POLR2H: variants seen among roughly 807,000 people sequenced by gnomAD.
POLR2H encodes DNA-directed RNA polymerases I, II, and III subunit RPABC3.
Under a neutral mutation model 18.1 loss-of-function variants are expected in POLR2H, and 3 were observed. That is an observed-to-expected ratio of 0.17 (90% CI 0.08 to 0.43). POLR2H has a LOEUF of 0.43. Among genes scored for constraint, POLR2H ranks in the 20% least tolerant of loss-of-function variants. POLR2H has a pLI of 0.99. For synonymous variants in POLR2H, 76 were observed against 69.0 expected (o/e 1.10, Z -0.50); for missense variants, 103 against 184.6 (o/e 0.56, Z 2.56).
Position 184,362,139 on chromosome 3 carries a change from T to C in POLR2H, c.-628T>C. 1 of 151,934 alleles carries C rather than the reference T, an allele frequency of 6.6e-6. No homozygotes were observed. Among genetic ancestry groups the C allele is most frequent in the South Asian group, 2.1e-4 (1 of 4,798 alleles). The allele number at this position is 151,934 out of a possible 1,614,324, so 9.4% of individuals were successfully genotyped here. Reference sequence around the variant, plus strand: ...TCCTCATCCTTCCTTTTCTCGGGGCTCCCGTGGGTAGGTGCACTTGGAGCA... The same window carrying C: ...TCCTCATCCTTCCTTTTCTCGGGGCCCCCGTGGGTAGGTGCACTTGGAGCA... On this transcript the variant is annotated 5_prime_UTR_variant, in exon 1 of 6. Coordinates refer to ENST00000456318, the MANE Select transcript of POLR2H (RefSeq NM_006232.5). This position sits in a 1 kb window ranked among gnomAD's most constrained non-coding sequence, Gnocchi z 5.9.
chr3:184,366,601 G>A, intron 4 of POLR2H, 116 bp from the exon 5 acceptor site: 1 of 620,290 alleles, frequency 1.6e-6, no homozygotes, highest in South Asian at 1.7e-5. Context: ...GCCTCCCAAA[G>A]TGCTGGGGTT....
rs563508661 is a variant in POLR2H, at chr3:184,363,821, A to G, written c.73+256A>G. 5.3e-5 allele frequency among the ~76,000 whole-genome samples: 8 copies of G among 152,272 alleles called. No homozygotes were observed. The East Asian group carries it at 5.8e-4, about 11-fold the overall frequency. ...ACTCCTAGGCATATTTATAATCGCT[A>G]CCTGCTCTGTGCTAGACACTGTCTT... On this transcript the variant is annotated intron_variant, in intron 2 of 5. Coordinates refer to ENST00000456318, the MANE Select transcript of POLR2H (RefSeq NM_006232.5).
chr3:184,366,845 C>A, intron 5 of POLR2H, 45 bp downstream of exon 5: 1 of 1,174,516 alleles, frequency 8.5e-7, no homozygotes, highest in Non-Finnish European at 1.3e-6. Flanking sequence ...CTTCCATGTT[C>A]TGAGACTTTG....
chr3:184,363,940 A>G (rs1712778269), intron 2 of POLR2H, among the ~76,000 whole-genome samples: 1 of 152,252 alleles, frequency 6.6e-6, no homozygotes, highest in Non-Finnish European at 1.5e-5. Flanking sequence ...AATCCCAGCT[A>G]CTTGGGAGGC....
In POLR2H at chr3:184,363,458, C is replaced by G. The variant is rs1305824062; in HGVS notation, c.-35C>G. 1.3e-6 allele frequency: 2 copies of G among 1,581,110 alleles called. No individual in the cohort carries two copies. Among genetic ancestry groups the G allele is most frequent in the Non-Finnish European group, 1.7e-6 (2 of 1,150,472 alleles). ...ACGTACTCCCAACTGTGGTCGCGCT[C>G]TCACCCCTTCTGCTGCTCTCGTGGC... On this transcript the variant is annotated 5_prime_UTR_variant, in exon 2 of 6. Coordinates refer to ENST00000456318, the MANE Select transcript of POLR2H (RefSeq NM_006232.5).
At chr3:184,368,104 C>G (rs955503202) in intron 5 of POLR2H, 73 bp from the exon 6 acceptor site, 3 of 1,611,962 alleles carry the variant, frequency 1.9e-6, no homozygotes, top group African/African-American at 1.3e-5. Flanking sequence ...TGCCTCTTCT[C>G]TTTCTTAGGC....
At chr3:184,364,759 T>C (rs1166761749) in intron 2 of POLR2H, 2 of 575,610 alleles carry the variant, frequency 3.5e-6, no homozygotes, top group East Asian at 5.7e-5. Context: ...TTTGGTTGTT[T>C]TCTGGGGATT....
rs935574473 is a variant in POLR2H at position 184,361,803 on chromosome 3, C to T, written c.-964C>T. On this transcript the variant is annotated 5_prime_UTR_variant, in exon 1 of 6. Transcript: ENST00000456318. This position sits in a 1 kb window ranked among gnomAD's most constrained non-coding sequence, Gnocchi z 6.6. Reference sequence around the variant, plus strand: ...GGGAAGGCGCAAGCCCGCGCCGGCTCCCTGCGGATGCCCGGGTCGGAGAGG... The same window carrying T: ...GGGAAGGCGCAAGCCCGCGCCGGCTTCCTGCGGATGCCCGGGTCGGAGAGG... 1.3e-5 allele frequency: 2 copies of T among 158,626 alleles called. No homozygotes were observed. Among genetic ancestry groups the T allele is most frequent in the Non-Finnish European group, 2.8e-5 (2 of 72,404 alleles). 9.8% of individuals were successfully genotyped at this position (158,626 alleles called of 1,614,324 possible).
rs1712650966 is a variant in POLR2H, at chr3:184,363,470, G to T, written c.-23G>T. ...CTGTGGTCGCGCTCTCACCCCTTCT[G>T]CTGCTCTCGTGGCCCCCTCGCGATG... On this transcript the variant is annotated 5_prime_UTR_variant, in exon 2 of 6. Coordinates refer to ENST00000456318, the MANE Select transcript of POLR2H (RefSeq NM_006232.5). 1.2e-6 allele frequency: 2 copies of T among 1,607,824 alleles called. No homozygotes were observed. Among genetic ancestry groups the T allele is most frequent in the African/African-American group, 2.7e-5 (2 of 74,938 alleles).
chr3:184,363,333 C>T lies in POLR2H; in HGVS notation c.-160C>T, dbSNP rs1712596032. Reference sequence around the variant, plus strand: ...CGGGAGGCTGTGGCGGAAGTGGTCGCGTTACCGCTTGTTTGTGCGCATGCG... The same window carrying T: ...CGGGAGGCTGTGGCGGAAGTGGTCGTGTTACCGCTTGTTTGTGCGCATGCG... On this transcript the variant is annotated 5_prime_UTR_variant, in exon 2 of 6. Coordinates refer to ENST00000456318, the MANE Select transcript of POLR2H (RefSeq NM_006232.5). 1 of 672,560 alleles carries T rather than the reference C, an allele frequency of 1.5e-6. No individual in the cohort carries two copies. The highest frequency in any genetic ancestry group is 2.7e-6 in the Non-Finnish European group (1 of 369,296). 41.7% of individuals were successfully genotyped at this position (672,560 alleles called of 1,614,324 possible).
rs1712481009 is a variant in POLR2H at position 184,362,960 on chromosome 3, C to G, written c.-533C>G. 2 of 168,924 alleles carry G rather than the reference C, an allele frequency of 1.2e-5. No individual in the cohort carries two copies. The highest frequency in any genetic ancestry group is 1.2e-4 in the Admixed American group (2 of 17,152). 10.5% of individuals were successfully genotyped at this position (168,924 alleles called of 1,614,324 possible). On this transcript the variant is annotated 5_prime_UTR_variant, in exon 2 of 6. Coordinates refer to ENST00000456318, the MANE Select transcript of POLR2H (RefSeq NM_006232.5). The surrounding 1 kb of genome is among the most constrained non-coding windows in gnomAD (Gnocchi z 5.9). ...GCCGGCCCAGGCCGGCCCCGGGGTCCTCGGTGCCGGCTGGAGGGGCTGGGC... is the reference window on the plus strand; with the variant it reads ...GCCGGCCCAGGCCGGCCCCGGGGTCGTCGGTGCCGGCTGGAGGGGCTGGGC...
rs550383579 is a variant in POLR2H, at chr3:184,367,547, C to T, written c.336-630C>T. 4.7e-5 allele frequency among the ~76,000 whole-genome samples: 7 copies of T among 150,118 alleles called. No individual in the cohort carries two copies. The South Asian group carries it at 8.4e-4, about 18-fold the overall frequency. On this transcript the variant is annotated intron_variant, in intron 5 of 5. Coordinates refer to ENST00000456318, the MANE Select transcript of POLR2H (RefSeq NM_006232.5). ...TGTTGCCCAGCCTGGAGTGCAGTGG[C>T]GCGATCTCGGCTCACTGCAAGCTCC... is the stretch of plus-strand genomic sequence containing the variant.
chr3:184,364,926 T>G, intron 2 of POLR2H, 40 bp from the exon 3 acceptor site: 3 of 1,388,698 alleles, frequency 2.2e-6, no homozygotes, highest in Non-Finnish European at 3.1e-6. Context: ...AGGATCTGCC[T>G]TGGCAATACC....
rs1293716601 is a variant in POLR2H at position 184,362,562 on chromosome 3, AGG to A, written c.-620-305_-620-304del. 1 of 152,262 alleles carries A rather than the reference AGG, an allele frequency of 6.6e-6. No individual in the cohort carries two copies. The allele number at this position is 152,262 out of a possible 1,614,324, so 9.4% of individuals were successfully genotyped here. A position where few individuals can be genotyped will look rare whatever the true frequency, so the allele number is the denominator to read the frequency against. On this transcript the variant is annotated intron_variant, in intron 1 of 5. Transcript: ENST00000456318. This position sits in a 1 kb window ranked among gnomAD's most constrained non-coding sequence, Gnocchi z 5.9. ...CAGGGGGCGGGAGCAGTGCCCGGGA[AGG>A]GGGGGCCTTGTGATAGAAGCCAGCA...
At chr3:184,364,904 A>T in intron 2 of POLR2H, 62 bp from the exon 3 acceptor site, 24 of 1,116,144 alleles carry the variant, frequency 2.2e-5, no homozygotes, top group Non-Finnish European at 3.3e-5. Flanking sequence ...GTTGCATACA[A>T]TCCCACACTG....
Position 184,363,361 on chromosome 3 carries a change from ACT to A in POLR2H, c.-128_-127del, listed in dbSNP as rs1318596251. ...TACCGCTTGTTTGTGCGCATGCGCCACTCTCGTCTGGCCGCCGCGCTTTCAGG... is the reference window on the plus strand; with the variant it reads ...TACCGCTTGTTTGTGCGCATGCGCCACTCGTCTGGCCGCCGCGCTTTCAGG... On this transcript the variant is annotated 5_prime_UTR_variant, in exon 2 of 6. It removes the in-frame stop codon of an upstream open reading frame in the 5' UTR. Transcript: ENST00000456318. 1.3e-6 allele frequency: 1 copy of A among 742,634 alleles called. No individual in the cohort carries two copies. 46.0% of individuals were successfully genotyped at this position (742,634 alleles called of 1,614,324 possible).
chr3:184,368,377 C>A lies in POLR2H; in HGVS notation c.*83C>A. 2.5e-6 allele frequency: 3 copies of A among 1,183,282 alleles called. No individual in the cohort carries two copies. Among genetic ancestry groups the A allele is most frequent in the Non-Finnish European group, 3.6e-6 (3 of 843,508 alleles). 73.3% of individuals were successfully genotyped at this position (1,183,282 alleles called of 1,614,324 possible). A position where few individuals can be genotyped will look rare whatever the true frequency, so the allele number is the denominator to read the frequency against. ...CCTGAGTGGCAGCCGCTCTTGCTCA[C>A]CTGTTGAGGAAGGGCTGGCTCACTG... is the stretch of plus-strand genomic sequence containing the variant. On this transcript the variant is annotated 3_prime_UTR_variant, in exon 6 of 6. Transcript: ENST00000456318.
At chr3:184,365,975 CAAAAAAAA>C (rs563119852) in intron 4 of POLR2H, among the ~76,000 whole-genome samples, 2 of 61,992 alleles carry the variant, frequency 3.2e-5, no homozygotes, top group African/African-American at 1.1e-4. Flanking sequence ...GACTCCGTCT[CAAAAAAAA>C]AAAAAAAAAG....
rs766018130 is a variant in POLR2H, at chr3:184,368,164, C to A, written c.336-13C>A. On this transcript the variant is annotated splice_polypyrimidine_tract_variant and intron_variant, in intron 5 of 5. Coordinates refer to ENST00000456318, the MANE Select transcript of POLR2H (RefSeq NM_006232.5). ...AGTGCTCCAGAATCACGGGATGGGG[C>A]CTTCTGTTTCAGCTCTGCGTACGTG... 1.9e-6 allele frequency: 3 copies of A among 1,614,000 alleles called. No individual in the cohort carries two copies. In the South Asian group the frequency reaches 3.3e-5, roughly 18 times the overall value.
Sources: gnomAD v4.1 joint callset for allele counts (sites outside exome capture counted in the v4.1 genomes callset) on GRCh38, gnomAD v4.1.1 for gene constraint, Gnocchi (gnomAD v3.1) non-coding constraint, MANE v1.5 for transcripts, NCBI Gene and HGNC (gene_info 2026-07-23, HGNC 2026-07-21) for gene names.